Variants in HSD17B11 observed in about 807,000 individuals in gnomAD.
HSD17B11 encodes hydroxysteroid 17-beta dehydrogenase 11, also known as estradiol 17-beta-dehydrogenase 11.
A neutral mutation model predicts 27.8 loss-of-function variants in HSD17B11; 22 were observed. The ratio of observed to expected loss-of-function variants is 0.79; its 90% CI spans 0.56 to 1.13. HSD17B11 has a LOEUF of 1.13. Among genes scored for constraint, HSD17B11 ranks in the 50% most tolerant of loss-of-function variants. The probability of loss-of-function intolerance (pLI) is 0.00; values close to 1 mark genes in which losing one functional copy is unlikely to be tolerated. For missense variants in HSD17B11, 314 were observed against 351.1 expected, an observed-to-expected ratio of 0.89 and a Z score of 0.84; for synonymous variants, 117 against 132.8, an observed-to-expected ratio of 0.88 and a Z score of 0.82.
chr4:87,363,306 A>G (rs112704830), intron 4 of HSD17B11, among the ~76,000 whole-genome samples: 8,379 of 151,668 alleles, frequency 0.055, 786 homozygotes, highest in African/African-American at 0.19. Context: ...GAATGAATGG[A>G]AAAAAAATCA....
chr4:87,340,266 C>T, intron 6 of HSD17B11: 1 of 276,040 alleles, frequency 3.6e-6, no homozygotes, highest in South Asian at 7.3e-5. Flanking sequence ...CAGAAATATA[C>T]AAATTTCTTT....
intron 4 of HSD17B11, among the ~76,000 whole-genome samples, chr4:87,360,582 C>T (rs1735490904): frequency 6.6e-6 from 1 of 152,236 alleles, no homozygotes; most frequent in Non-Finnish European, 1.5e-5. Context: ...AGTCTAGTCA[C>T]TGACCTCTAG....
In HSD17B11 at chr4:87,391,182, A is replaced by T. The variant is rs993418230; in HGVS notation, c.-112T>A. ...AGAAAGAGTAGGGGCGAGAGCAAGGAGGAACTCCCGTATCAAAGAAAAACA... is the reference window on the plus strand; with the variant it reads ...AGAAAGAGTAGGGGCGAGAGCAAGGTGGAACTCCCGTATCAAAGAAAAACA... On this transcript the variant is annotated 5_prime_UTR_variant, in exon 1 of 7. Coordinates refer to ENST00000358290, the MANE Select transcript of HSD17B11 (RefSeq NM_016245.5). 3.9e-5 allele frequency: 29 copies of T among 744,992 alleles called. No individual in the cohort carries two copies. The African/African-American group carries it at 5.0e-4, about 13-fold the overall frequency. 46.1% of individuals were successfully genotyped at this position (744,992 alleles called of 1,614,324 possible).
At position 87,340,539 on chromosome 4, in the gene HSD17B11, T is replaced by C. The variant is rs772523944; in HGVS notation, c.763A>G (p.Lys255Glu). 6.2e-7 allele frequency: 1 copy of C among 1,611,522 alleles called. No homozygotes were observed. The highest frequency in any genetic ancestry group is 2.2e-5 in the East Asian group (1 of 44,744). ...RLMHGILTEQKMIFIPSSIAF... is the reference protein window; with the variant it reads ...RLMHGILTEQEMIFIPSSIAF... The stretch of plus-strand genomic sequence containing the variant: ...ATAGAAGATGGAATAAAAATCATCT[T>C]CTGCTCAGTCAGAATCCCATGCATC... Residue 255 changes from lysine to glutamate, a missense_variant, in exon 6 of 7, where the codon AAG becomes GAG. Lys to Glu is a moderately conservative substitution (Grantham distance 56). Coordinates refer to ENST00000358290, the MANE Select transcript of HSD17B11 (RefSeq NM_016245.5).
intron 4 of HSD17B11, among the ~76,000 whole-genome samples, chr4:87,367,727 C>T (rs1367986060): frequency 6.6e-6 from 1 of 152,164 alleles, no homozygotes; most frequent in African/African-American, 2.4e-5. Flanking sequence ...CCTGTTTATT[C>T]CTGTAAACCA....
intron 4 of HSD17B11, among the ~76,000 whole-genome samples, chr4:87,363,767 T>G (rs946497037): frequency 1.3e-5 from 2 of 152,200 alleles, no homozygotes; most frequent in African/African-American, 4.8e-5. Context: ...GCTCAGTAGC[T>G]AAGGTTTTGC....
At position 87,378,869 on chromosome 4, in the gene HSD17B11, TATATATATATAAATATATATATATAA is replaced by T. The variant is rs1298885502; in HGVS notation, c.318+3360_318+3385del. On this transcript the variant is annotated intron_variant, in intron 2 of 6. Coordinates refer to ENST00000358290, the MANE Select transcript of HSD17B11 (RefSeq NM_016245.5). ...AAATATATATATAAATATATATAAA[TATATATATATAAATATATATATATAA>T]ATATATATAAATATATATATATAAA... 6.8e-3 allele frequency among the ~76,000 whole-genome samples: 128 copies of T among 18,794 alleles called. 19 individuals are homozygous for T. Among genetic ancestry groups the T allele is most frequent in the South Asian group, 0.033 (26 of 784 alleles). 12.3% of individuals were successfully genotyped at this position (18,794 alleles called of 152,430 possible). A position where few individuals can be genotyped will look rare whatever the true frequency, so the allele number is the denominator to read the frequency against.
In HSD17B11 at chr4:87,337,356, C is replaced by A; in HGVS notation, c.823G>T (p.Glu275Ter). 1 of 1,570,328 alleles carries A rather than the reference C, an allele frequency of 6.4e-7. No homozygotes were observed. Among genetic ancestry groups the A allele is most frequent in the South Asian group, 1.1e-5 (1 of 89,058 alleles). Residue 275 changes from glutamate (E) to a stop codon, truncating the protein, a stop_gained, in exon 7 of 7, where the codon GAG becomes TAG. Transcript: ENST00000358290. LOFTEE classifies it low-confidence loss of function (END_TRUNC). ...CGTTTTAAAACTGCCAGGAAACGCT[C>A]AGGAAGGATCCTAAAAGAAAGATAT... ...FLTTLERILP[E>*]RFLAVLKRKI...
chr4:87,370,752 A>ATTTTTTTT (rs1491588184), intron 4 of HSD17B11, among the ~76,000 whole-genome samples: 1 of 53,048 alleles, frequency 1.9e-5, no homozygotes, highest in Non-Finnish European at 2.9e-5. Flanking sequence ...TATTATTATT[A>ATTTTTTTT]TTATTTTTTT....
chr4:87,380,405 G>A (rs1430420371), intron 2 of HSD17B11, among the ~76,000 whole-genome samples: 2 of 147,934 alleles, frequency 1.4e-5, no homozygotes, highest in African/African-American at 2.5e-5. Context: ...CCCAGGAGGC[G>A]GAGGTTGCAG....
At chr4:87,381,393 A>T (rs1720164216) in intron 2 of HSD17B11, among the ~76,000 whole-genome samples, 1 of 152,152 alleles carries the variant, frequency 6.6e-6, no homozygotes, top group Non-Finnish European at 1.5e-5. Flanking sequence ...ACAAGCGAGA[A>T]TGCGTTCAGA....
intron 2 of HSD17B11, among the ~76,000 whole-genome samples, chr4:87,381,301 A>C (rs1032754204): frequency 4.8e-4 from 73 of 152,094 alleles, no homozygotes; most frequent in African/African-American, 1.8e-3. Context: ...TCCAGGGGTA[A>C]GGTCCAGGAA....
At chr4:87,357,948 AATTTTTTTTTTTTTT>A (rs1317333696) in intron 4 of HSD17B11, among the ~76,000 whole-genome samples, 11 of 97,392 alleles carry the variant, frequency 1.1e-4, no homozygotes, top group African/African-American at 4.0e-4. Flanking sequence ...TCATTAGAGA[AATTTTTTTTTTTTTT>A]TTTTTTTTTT....
At chr4:87,383,719 G>A (rs1328202750) in intron 1 of HSD17B11, among the ~76,000 whole-genome samples, 1 of 147,770 alleles carries the variant, frequency 6.8e-6, no homozygotes, top group African/African-American at 2.5e-5. Flanking sequence ...TGTTATCTTT[G>A]CTTGTTTGCT....
chr4:87,374,629 C>A (rs1735783449), intron 3 of HSD17B11, 70 bp downstream of exon 3: 32 of 1,427,344 alleles, frequency 2.2e-5, no homozygotes, highest in Non-Finnish European at 3.0e-5. Flanking sequence ...TTCCTTATGT[C>A]TGCTAAAAGC....
chr4:87,357,528 C>T (rs1735410169), intron 4 of HSD17B11, 112 bp from the exon 5 acceptor site: 2 of 970,208 alleles, frequency 2.1e-6, no homozygotes, highest in African/African-American at 1.7e-5. Context: ...GAGTCTCAGG[C>T]CCCAGCCCAG....
rs1314853179 is a variant in HSD17B11 at position 87,376,520 on chromosome 4, A to C, written c.319-1690T>G. Among the ~76,000 whole-genome samples, 3 of 146,366 alleles carry C rather than the reference A, an allele frequency of 2.0e-5. No homozygotes were observed. In the East Asian group the frequency reaches 5.8e-4, roughly 28 times the overall value. ...TTTCATCTCAAAAAAAAAAAAAAAA[A>C]AACCCAAAAAACAAACAAAAAACCC... On this transcript the variant is annotated intron_variant, in intron 2 of 6. Transcript: ENST00000358290.
intron 4 of HSD17B11, among the ~76,000 whole-genome samples, chr4:87,361,377 T>C (rs1735509442): frequency 6.6e-6 from 1 of 152,232 alleles, no homozygotes. Flanking sequence ...TTGTTTAGCA[T>C]ATTATCAAAA....
chr4:87,363,453 C>T (rs1735554078), intron 4 of HSD17B11, among the ~76,000 whole-genome samples: 1 of 152,182 alleles, frequency 6.6e-6, no homozygotes, highest in Non-Finnish European at 1.5e-5. Flanking sequence ...GCTTAGAACA[C>T]CTGTAAGCCC....
Sources: gnomAD v4.1 joint callset for allele counts (sites outside exome capture counted in the v4.1 genomes callset) on GRCh38, gnomAD v4.1.1 for gene constraint, MANE v1.5 for transcripts, NCBI Gene and HGNC (gene_info 2026-07-23, HGNC 2026-07-21) for gene names.